Variants in CWC22 observed in about 807,000 individuals in gnomAD.
CWC22 encodes the protein pre-mRNA-splicing factor CWC22 homolog.
CWC22 carries 53 observed loss-of-function variants against 117.2 expected under a neutral mutation model. The ratio of observed to expected loss-of-function variants is 0.45; its 90% CI spans 0.36 to 0.57. CWC22 has a LOEUF of 0.57. Among genes scored for constraint, CWC22 ranks in the 20% least tolerant of loss-of-function variants. The pLI is 0.00. For missense variants in CWC22, 980 were observed against 1,068.8 expected, an observed-to-expected ratio of 0.92 and a Z score of 1.16; for synonymous variants, 360 against 355.6, an observed-to-expected ratio of 1.01 and a Z score of -0.14.
In CWC22 at chr2:179,957,393, T is replaced by C. The variant is rs190731874; in HGVS notation, c.1458+1629A>G. Among the ~76,000 whole-genome samples, 207 of 152,326 alleles carry C rather than the reference T, an allele frequency of 1.4e-3. 1 individual carries two copies. The highest frequency in any genetic ancestry group is 4.7e-3 in the African/African-American group (196 of 41,570). On this transcript the variant is annotated intron_variant, in intron 14 of 19. Transcript: ENST00000410053. ...CTAGAACAAAGACTGGCAAATCTTT[T>C]CTGTAAAGGGCCAGATAATAAATAT...
At chr2:179,974,980 G>A (rs9989852) in intron 6 of CWC22, among the ~76,000 whole-genome samples, 126,219 of 152,182 alleles carry the variant, frequency 0.83, 52,426 homozygotes, top group African/African-American at 0.85. Context: ...GACTCAAGTG[G>A]TCCTCTTGCC....
chr2:179,981,626 C>G (rs990555695), intron 5 of CWC22, 126 bp downstream of exon 5: 3 of 712,870 alleles, frequency 4.2e-6, no homozygotes, highest in Non-Finnish European at 6.9e-6. Flanking sequence ...AAAGAGGTCT[C>G]TAATTTGAGG....
At position 179,965,906 on chromosome 2, in the gene CWC22, T is replaced by C. The variant is rs375986468; in HGVS notation, c.1287A>G (p.Glu429=). ...AGSSEEDEEE[E]EEEGEEDEEG... ...CTTCATCTTCTTCTCCCTCTTCCTC[T>C]TCTTCTTCCTCGTCCTCTTCACTAC... is the stretch of plus-strand genomic sequence containing the variant. Residue 429 remains glutamate, a synonymous_variant, in exon 12 of 20, where the codon GAA becomes GAG. Coordinates refer to ENST00000410053, the MANE Select transcript of CWC22 (RefSeq NM_020943.3). 9.5e-6 allele frequency: 15 copies of C among 1,581,864 alleles called. No individual in the cohort carries two copies. The highest frequency in any genetic ancestry group is 1.7e-4 in the Middle Eastern group (1 of 6,024).
chr2:179,972,101 A>G (rs1403135647), intron 8 of CWC22, among the ~76,000 whole-genome samples: 2 of 152,356 alleles, frequency 1.3e-5, no homozygotes, highest in East Asian at 3.9e-4. Context: ...GGTCTTAAGT[A>G]GCAAGTTATC....
At position 179,973,790 on chromosome 2, in the gene CWC22, G is replaced by A; in HGVS notation, c.594C>T (p.Ser198=). ...CACTCTGTGCTTGCAAAACAGACCTGGACAGCAGTCCTCTGTTTAAAAAAG... is the reference window on the plus strand; with the variant it reads ...CACTCTGTGCTTGCAAAACAGACCTAGACAGCAGTCCTCTGTTTAAAAAAG... ...ENIVRGRGLL[S]RSVLQAQSAS... is the part of the protein sequence containing the mutation. The change falls in exon 7 of 20, where the codon TCC becomes TCT. Residue 198 remains serine (S), a synonymous_variant. Transcript: ENST00000410053. The A allele has an allele frequency of 1.3e-6, 2 of 1,569,790 alleles. No individual in the cohort carries two copies. Among genetic ancestry groups the A allele is most frequent in the Non-Finnish European group, 1.7e-6 (2 of 1,158,026 alleles).
intron 6 of CWC22, among the ~76,000 whole-genome samples, chr2:179,977,430 C>T (rs1426746686): frequency 6.6e-6 from 1 of 152,080 alleles, no homozygotes; most frequent in African/African-American, 2.4e-5. Flanking sequence ...CACAGGTGAA[C>T]TTGGAGAACA....
intron 5 of CWC22, among the ~76,000 whole-genome samples, chr2:179,979,303 T>G (rs2105537994): frequency 6.6e-6 from 1 of 152,370 alleles, no homozygotes; most frequent in Non-Finnish European, 1.5e-5. Context: ...GGCAGTATGC[T>G]TAATAACTAC....
chr2:179,995,066 T>A (rs1235790044), intron 1 of CWC22, among the ~76,000 whole-genome samples: 4 of 152,088 alleles, frequency 2.6e-5, no homozygotes. Context: ...TGCAGTGAGC[T>A]GAGATCGTGC....
intron 7 of CWC22, 98 bp from the exon 8 acceptor site, chr2:179,973,344 T>C (rs1687078428): frequency 1.3e-6 from 1 of 796,860 alleles, no homozygotes; most frequent in Non-Finnish European, 2.1e-6. Context: ...TTAAAACATG[T>C]ACCACACAAG....
chr2:179,987,177 A>G (rs899032415), intron 3 of CWC22, among the ~76,000 whole-genome samples: 2 of 152,242 alleles, frequency 1.3e-5, no homozygotes, highest in Non-Finnish European at 2.9e-5. Context: ...TGAATGTATG[A>G]GACCAAGGTC....
chr2:179,993,436 T>G lies in CWC22; in HGVS notation c.-95A>C. 1 of 855,366 alleles carries G rather than the reference T, an allele frequency of 1.2e-6. No homozygotes were observed. The highest frequency in any genetic ancestry group is 1.9e-6 in the Non-Finnish European group (1 of 520,842). 53.0% of individuals were successfully genotyped at this position (855,366 alleles called of 1,614,324 possible). A position where few individuals can be genotyped will look rare whatever the true frequency, so the allele number is the denominator to read the frequency against. Reference sequence around the variant, plus strand: ...TCTGAATTCCTTGACAGTTTACTTTTTCTGTCTGCAAACATCACCTATAAA... The same window carrying G: ...TCTGAATTCCTTGACAGTTTACTTTGTCTGTCTGCAAACATCACCTATAAA... On this transcript the variant is annotated 5_prime_UTR_variant, in exon 2 of 20. Transcript: ENST00000410053.
At chr2:179,993,153 TGTG>T (rs1245556863) in intron 2 of CWC22, among the ~76,000 whole-genome samples, 159 bp downstream of exon 2, 1 of 152,258 alleles carries the variant, frequency 6.6e-6, no homozygotes, top group Non-Finnish European at 1.5e-5. Context: ...AAACAGTAAT[TGTG>T]GTTTTTAAAA....
intron 17 of CWC22, 80 bp downstream of exon 17, chr2:179,952,391 T>C: frequency 9.8e-7 from 1 of 1,022,302 alleles, no homozygotes; most frequent in Non-Finnish European, 1.3e-6. Context: ...GTTTTTACAG[T>C]CTCGGATGGG....
intron 6 of CWC22, among the ~76,000 whole-genome samples, chr2:179,976,117 T>C (rs1687146612): frequency 6.6e-6 from 1 of 152,122 alleles, no homozygotes; most frequent in Non-Finnish European, 1.5e-5. Context: ...AGTCAACTGA[T>C]TTTCGACAAA....
At chr2:179,945,852 A>C (rs1382021542) in intron 19 of CWC22, 137 bp from the exon 20 acceptor site, 1 of 596,332 alleles carries the variant, frequency 1.7e-6, no homozygotes, top group Admixed American at 3.3e-5. Context: ...TTGAATAGAA[A>C]GTCTGATGAC....
chr2:180,003,626 G>A (rs1687898650), intron 1 of CWC22, among the ~76,000 whole-genome samples: 1 of 152,142 alleles, frequency 6.6e-6, no homozygotes, highest in African/African-American at 2.4e-5. Flanking sequence ...AGAGGCTCCT[G>A]TAGCCAGGTC....
chr2:179,985,110 C>A (rs1226362526), intron 4 of CWC22, among the ~76,000 whole-genome samples: 1 of 151,874 alleles, frequency 6.6e-6, no homozygotes, highest in Non-Finnish European at 1.5e-5. Context: ...AGAAATTTTA[C>A]CAAATTTCTG....
At position 179,945,247 on chromosome 2, in the gene CWC22, C is replaced by T; in HGVS notation, c.2609G>A (p.Arg870Lys). 5 of 1,613,726 alleles carry T rather than the reference C, an allele frequency of 3.1e-6. No individual in the cohort carries two copies. Among genetic ancestry groups the T allele is most frequent in the Non-Finnish European group, 4.2e-6 (5 of 1,179,776 alleles). ...TCGTCTCTCGGCACCATTTTGATAT[C>T]TATCTTCATCACTTCTTGAGCCTGA... ...KHSGSRSDEDRYQNGAERRWE... is the reference protein window; with the variant it reads ...KHSGSRSDEDKYQNGAERRWE... Residue 870 changes from arginine (R) to lysine (K), a missense_variant, in exon 20 of 20, where the codon AGA becomes AAA. Transcript: ENST00000410053.
rs201120324 is a variant in CWC22 at position 179,950,526 on chromosome 2, T to G, written c.2126A>C (p.His709Pro). The G allele has an allele frequency of 6.2e-7, 1 of 1,608,688 alleles. No individual in the cohort carries two copies. The change falls in exon 19 of 20, where the codon CAT (histidine) becomes CCT (proline). Residue 709 changes from histidine to proline, a missense_variant. Physicochemically the swap from His to Pro is moderately conservative, Grantham distance 77. Around this residue, in one of 3 missense-constraint regions of CWC22, gnomAD observed 306 missense variants for 296.8 expected, o/e 1.03. Transcript: ENST00000410053. ...AGCTTCAATACCTGAGGCAGAGCTA[T>G]GACTACTGATGGATGAAGAGTCGCT... is the stretch of plus-strand genomic sequence containing the variant. ...EESDSSSISS[H>P]SSASANDVRK...
Sources: gnomAD v4.1 joint callset for allele counts (sites outside exome capture counted in the v4.1 genomes callset) on GRCh38, gnomAD v4.1.1 for gene constraint, gnomAD v4.1.1 regional missense constraint, MANE v1.5 for transcripts, NCBI Gene and HGNC (gene_info 2026-07-23, HGNC 2026-07-21) for gene names.